The following HS3ST5 variants were observed in gnomAD, a reference collection of about 807,000 sequenced individuals.
The protein encoded by HS3ST5 is heparan sulfate glucosamine 3-O-sulfotransferase 5.
In HS3ST5, 10 loss-of-function variants were observed where a neutral mutation model predicts 25.4. The ratio of observed to expected loss-of-function variants is 0.39; its 90% CI spans 0.24 to 0.67. The LOEUF (loss-of-function observed/expected upper bound fraction) is 0.67. HS3ST5 is among the 30% of genes least tolerant of loss of function. HS3ST5 has a pLI of 0.44. For missense variants in HS3ST5, 324 were observed against 420.7 expected, an observed-to-expected ratio of 0.77 and a Z score of 2.01; for synonymous variants, 170 against 162.4, an observed-to-expected ratio of 1.05 and a Z score of -0.36.
intron 1 of HS3ST5, among the ~76,000 whole-genome samples, chr6:114,272,605 TA>T (rs1773683172): frequency 6.6e-6 from 1 of 152,120 alleles, no homozygotes; most frequent in Non-Finnish European, 1.5e-5. Context: ...CCATAGTACA[TA>T]GTCACTTACT....
intron 3 of HS3ST5, among the ~76,000 whole-genome samples, chr6:114,138,480 G>A (rs188186177): frequency 8.0e-4 from 122 of 152,304 alleles, no homozygotes; most frequent in African/African-American, 2.2e-3. Context: ...TGTCTGAAGA[G>A]GCCACATAAA....
intron 3 of HS3ST5, among the ~76,000 whole-genome samples, chr6:114,136,314 T>TGAGATCTAATGGTTTTATAAAGAGCA: frequency 6.6e-6 from 1 of 152,324 alleles, no homozygotes; most frequent in South Asian, 2.1e-4. Flanking sequence ...ATAAGTCTCA[T>TGAGATCTAATGGTTTTATAAAGAGCA]GAGATCTAAT....
chr6:114,154,624 C>T (rs1387582245), intron 3 of HS3ST5, among the ~76,000 whole-genome samples: 1 of 152,220 alleles, frequency 6.6e-6, no homozygotes, highest in South Asian at 2.1e-4. Flanking sequence ...ACTACTGCAC[C>T]CCATCACATC....
chr6:114,074,466 C>G (rs1369504307), intron 3 of HS3ST5, among the ~76,000 whole-genome samples: 1 of 152,134 alleles, frequency 6.6e-6, no homozygotes, highest in African/African-American at 2.4e-5. Context: ...CAGGCCTTTC[C>G]CAAGTTCCCA....
At chr6:114,238,513 C>A (rs940296161) in intron 1 of HS3ST5, among the ~76,000 whole-genome samples, 1 of 152,094 alleles carries the variant, frequency 6.6e-6, no homozygotes, top group Non-Finnish European at 1.5e-5. Context: ...AGGATGTACA[C>A]GTACAGATTT....
rs376422021 is a variant in HS3ST5 at position 114,075,518 on chromosome 6, G to A, written c.-32-12641C>T. Reference sequence around the variant, plus strand: ...ACTACTTGTGGTGAGACATGAGCTGGTAGCTGTGCGTTTACGTGGGGCTGT... The same window carrying A: ...ACTACTTGTGGTGAGACATGAGCTGATAGCTGTGCGTTTACGTGGGGCTGT... On this transcript the variant is annotated intron_variant, in intron 3 of 4. Transcript: ENST00000312719. Among the ~76,000 whole-genome samples, 16 of 152,324 alleles carry A rather than the reference G, an allele frequency of 1.1e-4. No individual in the cohort carries two copies. In the East Asian group the frequency reaches 1.2e-3, roughly 11 times the overall value.
intron 4 of HS3ST5, among the ~76,000 whole-genome samples, chr6:114,062,122 G>T (rs922026704): frequency 6.6e-6 from 1 of 152,142 alleles, no homozygotes; most frequent in Non-Finnish European, 1.5e-5. Context: ...CACCTATTTA[G>T]AGCTAAACCC....
chr6:114,286,403 C>G (rs1302653865), intron 1 of HS3ST5, among the ~76,000 whole-genome samples: 1 of 151,946 alleles, frequency 6.6e-6, no homozygotes, highest in Non-Finnish European at 1.5e-5. Flanking sequence ...CAGCATTATG[C>G]TTAGTCAACA....
intron 1 of HS3ST5, among the ~76,000 whole-genome samples, chr6:114,333,324 C>T (rs1406172508): frequency 3.9e-5 from 6 of 152,004 alleles, no homozygotes; most frequent in African/African-American, 7.2e-5. Flanking sequence ...TGGATGTCTG[C>T]GCAGATGATA....
intron 2 of HS3ST5, among the ~76,000 whole-genome samples, chr6:114,177,690 G>A (rs908504006): frequency 6.6e-6 from 1 of 152,128 alleles, no homozygotes; most frequent in East Asian, 1.9e-4. Flanking sequence ...TCCTGTGAGA[G>A]GTGTTCTAGT....
intron 1 of HS3ST5, among the ~76,000 whole-genome samples, chr6:114,283,904 G>T (rs1259502819): frequency 3.3e-5 from 5 of 151,894 alleles, no homozygotes; most frequent in Admixed American, 3.3e-4. Flanking sequence ...CAGAGAGGAA[G>T]AACTTATTAG....
intron 3 of HS3ST5, among the ~76,000 whole-genome samples, chr6:114,153,943 G>A (rs1778578992): frequency 6.6e-6 from 1 of 152,232 alleles, no homozygotes; most frequent in Non-Finnish European, 1.5e-5. Context: ...GTGGTGAGCA[G>A]GGAAGGGTTA....
At chr6:114,143,335 G>C (rs559462437) in intron 3 of HS3ST5, among the ~76,000 whole-genome samples, 13 of 152,190 alleles carry the variant, frequency 8.5e-5, no homozygotes, top group Non-Finnish European at 1.5e-4. Flanking sequence ...GCATAATAAT[G>C]ATTATCATTG....
intron 1 of HS3ST5, among the ~76,000 whole-genome samples, chr6:114,320,579 A>T (rs1388044161): frequency 6.6e-6 from 1 of 151,984 alleles, no homozygotes; most frequent in Non-Finnish European, 1.5e-5. Context: ...CTTGTCCCTC[A>T]TTGATATGTC....
intron 2 of HS3ST5, among the ~76,000 whole-genome samples, chr6:114,174,793 G>A (rs985075668): frequency 2.0e-5 from 3 of 152,044 alleles, no homozygotes; most frequent in Non-Finnish European, 4.4e-5. Flanking sequence ...AAGAGATGGA[G>A]ACCATCCTGC....
At chr6:114,084,855 C>T (rs1470921585) in intron 3 of HS3ST5, 12 of 534,586 alleles carry the variant, frequency 2.2e-5, no homozygotes, top group African/African-American at 1.2e-4. Context: ...TTTTTTGAGA[C>T]GGAGTCTCCC....
In HS3ST5 at chr6:114,157,698, T is replaced by G. The variant is rs189321974; in HGVS notation, c.-33+10653A>C. 2.0e-5 allele frequency among the ~76,000 whole-genome samples: 3 copies of G among 152,302 alleles called. No individual in the cohort carries two copies. The East Asian group carries it at 5.8e-4, about 29-fold the overall frequency. ...CACAGACCACAAATATATAAAATTT[T>G]TATTTGCCAATCATACTTTAATTTA... On this transcript the variant is annotated intron_variant, in intron 3 of 4. Transcript: ENST00000312719.
At chr6:114,316,568 G>A (rs768915491) in intron 1 of HS3ST5, among the ~76,000 whole-genome samples, 1 of 152,106 alleles carries the variant, frequency 6.6e-6, no homozygotes, top group African/African-American at 2.4e-5. Flanking sequence ...ACGCAAAAGT[G>A]TTCAAGTGAC....
intron 1 of HS3ST5, among the ~76,000 whole-genome samples, chr6:114,293,558 G>A (rs1774678324): frequency 6.6e-6 from 1 of 152,148 alleles, no homozygotes; most frequent in Non-Finnish European, 1.5e-5. Context: ...GAAGTGACAA[G>A]GTCCTAAGCT....
Sources: allele counts gnomAD v4.1 joint callset (sites outside exome capture counted in the v4.1 genomes callset), GRCh38; gene constraint gnomAD v4.1.1; transcripts MANE v1.5; gene names NCBI Gene and HGNC (gene_info 2026-07-23, HGNC 2026-07-21).